Variants in CADM2 observed in about 807,000 individuals in gnomAD.
The protein encoded by CADM2 is cell adhesion molecule 2.
CADM2 carries 12 observed loss-of-function variants against 49.8 expected under a neutral mutation model. The observed-to-expected ratio is 0.24, with a 90% CI of 0.15 to 0.39. CADM2 has a LOEUF of 0.39. Ranked by LOEUF, CADM2 falls within the 10% of genes least tolerant of loss-of-function variation. The pLI is 1.00. For synonymous variants in CADM2, 214 were observed against 175.4 expected (o/e 1.22, Z -1.74); for missense variants, 378 against 492.3 (o/e 0.77, Z 2.20).
chr3:85,268,993 A>G (rs902664120), intron 1 of CADM2, among the ~76,000 whole-genome samples: 15 of 151,410 alleles, frequency 9.9e-5, no homozygotes, highest in African/African-American at 3.6e-4. Flanking sequence ...CTAATTTTAC[A>G]TTTAGAAAAT....
chr3:85,073,703 T>C (rs1471503346), intron 1 of CADM2, among the ~76,000 whole-genome samples: 1 of 152,110 alleles, frequency 6.6e-6, no homozygotes, highest in Non-Finnish European at 1.5e-5. Flanking sequence ...TTTAAACCAA[T>C]CTATCCAATA....
intron 1 of CADM2, among the ~76,000 whole-genome samples, chr3:85,239,131 T>A (rs1447350396): frequency 6.6e-6 from 1 of 151,846 alleles, no homozygotes; most frequent in African/African-American, 2.4e-5. Context: ...AATGTCATGA[T>A]CAAATATTTA....
At chr3:85,297,632 G>C (rs749493032) in intron 1 of CADM2, among the ~76,000 whole-genome samples, 3 of 151,670 alleles carry the variant, frequency 2.0e-5, no homozygotes, top group Non-Finnish European at 4.4e-5. Flanking sequence ...ACTTTATTTT[G>C]CCTAGGCCTC....
intron 3 of CADM2, among the ~76,000 whole-genome samples, chr3:85,831,702 G>GT (rs2074194711): frequency 1.3e-5 from 2 of 151,724 alleles, no homozygotes; most frequent in South Asian, 4.2e-4. Flanking sequence ...TTGCAGAATC[G>GT]TTTAAGTTCC....
At chr3:85,529,380 A>G (rs17022930) in intron 1 of CADM2, among the ~76,000 whole-genome samples, 6,491 of 152,260 alleles carry the variant, frequency 0.043, 466 homozygotes, top group African/African-American at 0.15. Context: ...ATTTGGATAC[A>G]TGCATTTTGA....
intron 5 of CADM2, among the ~76,000 whole-genome samples, chr3:85,898,937 G>GTGTGTGTATATA (rs796467067): frequency 2.1e-5 from 1 of 46,680 alleles, no homozygotes; most frequent in African/African-American, 1.1e-4. Flanking sequence ...CATTTATTGT[G>GTGTGTGTATATA]TATATATATA....
intron 1 of CADM2, among the ~76,000 whole-genome samples, chr3:85,107,570 TTCTC>T (rs1346428102): frequency 1.6e-5 from 2 of 123,984 alleles, no homozygotes; most frequent in Admixed American, 7.6e-5. Context: ...TCTTCTCTCT[TTCTC>T]TCTTTCTTTC....
At chr3:86,061,122 C>T (rs1436164007) in intron 8 of CADM2, among the ~76,000 whole-genome samples, 3 of 151,880 alleles carry the variant, frequency 2.0e-5, no homozygotes, top group African/African-American at 7.3e-5. Flanking sequence ...TACCATAAAA[C>T]TACACAACTT....
intron 2 of CADM2, among the ~76,000 whole-genome samples, chr3:85,744,549 A>G (rs964607723): frequency 2.6e-5 from 4 of 151,486 alleles, no homozygotes; most frequent in Admixed American, 6.6e-5. Context: ...AAATAAATAA[A>G]TAAGTAAATG....
rs772989635 is a variant in CADM2, at chr3:85,172,582, G to A, written c.61+212914G>A. Among the ~76,000 whole-genome samples, 9 of 152,016 alleles carry A rather than the reference G, an allele frequency of 5.9e-5. No homozygotes were observed. The South Asian group carries it at 1.2e-3, about 21-fold the overall frequency. ...AGCAAAGGCTTAGAACCTGACAAGC[G>A]TAGGATGTGCAAGAATGGTGGTGAT... On this transcript the variant is annotated intron_variant, in intron 1 of 9. Transcript: ENST00000383699.
chr3:85,546,317 T>C (rs1386046849), intron 1 of CADM2, among the ~76,000 whole-genome samples: 1 of 152,184 alleles, frequency 6.6e-6, no homozygotes, highest in Non-Finnish European at 1.5e-5. Flanking sequence ...TTTTTACATT[T>C]TGAGTTGCTT....
chr3:84,994,311 T>C (rs1475789943), intron 1 of CADM2, among the ~76,000 whole-genome samples: 1 of 152,200 alleles, frequency 6.6e-6, no homozygotes, highest in Non-Finnish European at 1.5e-5. Context: ...AGTGTCAATA[T>C]TGTATGTGTT....
chr3:85,321,214 C>T (rs1166234804), intron 1 of CADM2, among the ~76,000 whole-genome samples: 2 of 124,718 alleles, frequency 1.6e-5, no homozygotes, highest in Non-Finnish European at 3.2e-5. Context: ...GCTCTGTTGC[C>T]CAGGCTGGAA....
intron 1 of CADM2, among the ~76,000 whole-genome samples, chr3:85,317,491 G>GA (rs993161254): frequency 1.3e-5 from 2 of 151,900 alleles, no homozygotes; most frequent in African/African-American, 2.4e-5. Context: ...AATTTATAAG[G>GA]AAAAAAAATT....
chr3:85,479,845 C>G (rs116454827), intron 1 of CADM2, among the ~76,000 whole-genome samples: 4 of 151,874 alleles, frequency 2.6e-5, no homozygotes, highest in Non-Finnish European at 5.9e-5. Context: ...TTCAAATTCC[C>G]AAATTTCTTA....
At chr3:86,004,169 G>T (rs915507964) in intron 8 of CADM2, among the ~76,000 whole-genome samples, 2 of 147,624 alleles carry the variant, frequency 1.4e-5, no homozygotes, top group Admixed American at 1.3e-4. Flanking sequence ...AACAAAAAAC[G>T]AAGAGTTTCC....
intron 8 of CADM2, among the ~76,000 whole-genome samples, chr3:86,057,175 C>T (rs1376885075): frequency 6.6e-6 from 1 of 152,002 alleles, no homozygotes; most frequent in Non-Finnish European, 1.5e-5. Flanking sequence ...AGCGCAGTGA[C>T]GCATTTCTCT....
At chr3:85,299,877 T>C (rs1315463315) in intron 1 of CADM2, among the ~76,000 whole-genome samples, 1 of 152,114 alleles carries the variant, frequency 6.6e-6, no homozygotes, top group Non-Finnish European at 1.5e-5. Flanking sequence ...AAGACTGTGG[T>C]AAACCCTGAG....
intron 1 of CADM2, among the ~76,000 whole-genome samples, chr3:85,606,703 G>A (rs1193723367): frequency 1.3e-5 from 2 of 152,222 alleles, no homozygotes; most frequent in East Asian, 3.9e-4. Context: ...TAATGTATGA[G>A]TAGGATGTTG....
Sources: allele counts gnomAD v4.1 joint callset (sites outside exome capture counted in the v4.1 genomes callset), GRCh38; gene constraint gnomAD v4.1.1; transcripts MANE v1.5; gene names NCBI Gene and HGNC (gene_info 2026-07-23, HGNC 2026-07-21).